Variants in LOC400499 observed in about 807,000 individuals in gnomAD.
chr16:11,405,961 C>A, the LOC400499 span, among the ~76,000 whole-genome samples: 1 of 152,276 alleles, frequency 6.6e-6, no homozygotes, highest in African/African-American at 2.4e-5. Flanking sequence ...AACATGCAAA[C>A]CCATCCCTGC....
chr16:11,478,440 T>A, the LOC400499 span: 1 of 398,176 alleles, frequency 2.5e-6, no homozygotes, highest in South Asian at 1.4e-4. Flanking sequence ...GGATTGGACC[T>A]TGGGCAGCCT....
At chr16:11,490,211 C>A in the LOC400499 span, among the ~76,000 whole-genome samples, 1 of 151,806 alleles carries the variant, frequency 6.6e-6, no homozygotes, top group Non-Finnish European at 1.5e-5. Flanking sequence ...GCCTGGCCCA[C>A]ATGGCAAAAC....
the LOC400499 span, among the ~76,000 whole-genome samples, chr16:11,429,856 G>A: frequency 1.3e-5 from 2 of 152,072 alleles, no homozygotes; most frequent in Non-Finnish European, 1.5e-5. Flanking sequence ...ACTCAGACAA[G>A]CATCATCAGT....
chr16:11,513,221 T>C, the LOC400499 span, among the ~76,000 whole-genome samples: 1 of 141,134 alleles, frequency 7.1e-6, no homozygotes, highest in Non-Finnish European at 1.6e-5. Flanking sequence ...CTGGGCAACA[T>C]AGTGAAACCC....
At chr16:11,481,537 G>A in the LOC400499 span, among the ~76,000 whole-genome samples, 5 of 152,292 alleles carry the variant, frequency 3.3e-5, no homozygotes, top group African/African-American at 1.2e-4. Flanking sequence ...TGGCCAGGCT[G>A]GTCTCGAACT....
chr16:11,449,151 A>G, the LOC400499 span: 24 of 1,352,528 alleles, frequency 1.8e-5, no homozygotes, highest in East Asian at 4.5e-4. Flanking sequence ...TGCACACCCT[A>G]TTTCCTCCAC....
the LOC400499 span, chr16:11,475,742 G>T: frequency 2.5e-6 from 1 of 398,790 alleles, no homozygotes. Context: ...GACAGTGTCA[G>T]ACGCATCATT....
chr16:11,482,861 C>A, the LOC400499 span, among the ~76,000 whole-genome samples: 1 of 149,892 alleles, frequency 6.7e-6, no homozygotes, highest in South Asian at 2.1e-4. Flanking sequence ...CACTGCACTC[C>A]AGCCTGCATG....
At chr16:11,443,324 C>T in the LOC400499 span, 1 of 322,166 alleles carries the variant, frequency 3.1e-6, no homozygotes, top group Non-Finnish European at 5.5e-6. Flanking sequence ...ACTCGATCCT[C>T]AGTCTCAAAA....
At chr16:11,408,228 C>T in the LOC400499 span, among the ~76,000 whole-genome samples, 1 of 152,024 alleles carries the variant, frequency 6.6e-6, no homozygotes, top group Non-Finnish European at 1.5e-5. Flanking sequence ...GGTGACCTGC[C>T]CACCTCGGCC....
At chr16:11,491,649 T>TACC in the LOC400499 span, 1 of 210,382 alleles carries the variant, frequency 4.8e-6, no homozygotes. Flanking sequence ...GGAGGTGCCC[T>TACC]CCCAGCCCCA....
the LOC400499 span, chr16:11,431,091 C>T: frequency 2.5e-6 from 1 of 399,080 alleles, no homozygotes; most frequent in Admixed American, 4.4e-5. Context: ...GGAGGCGGGG[C>T]ATCGCTGCCC....
At chr16:11,446,050 C>T in the LOC400499 span, among the ~76,000 whole-genome samples, 1 of 151,942 alleles carries the variant, frequency 6.6e-6, no homozygotes, top group East Asian at 1.9e-4. Context: ...GTCTGGAACT[C>T]CTGACCTCAG....
chr16:11,443,806 C>T, the LOC400499 span, among the ~76,000 whole-genome samples: 1 of 151,268 alleles, frequency 6.6e-6, no homozygotes, highest in Non-Finnish European at 1.5e-5. Flanking sequence ...GACCCTCAGC[C>T]AGGGGTGGTG....
At chr16:11,484,270 G>A in the LOC400499 span, among the ~76,000 whole-genome samples, 1 of 152,062 alleles carries the variant, frequency 6.6e-6, no homozygotes, top group African/African-American at 2.4e-5. Flanking sequence ...GCCTCCCAAA[G>A]TGCTGGGATT....
chr16:11,479,444 C>A, the LOC400499 span, among the ~76,000 whole-genome samples: 2 of 142,414 alleles, frequency 1.4e-5, no homozygotes, highest in African/African-American at 5.5e-5. Flanking sequence ...GAGACCCTAT[C>A]TCTACAAAAT....
At chr16:11,450,428 C>T in the LOC400499 span, among the ~76,000 whole-genome samples, 2 of 152,182 alleles carry the variant, frequency 1.3e-5, no homozygotes, top group South Asian at 4.1e-4. Context: ...TTTTTTAGGT[C>T]TAATTCTTCT....
chr16:11,515,745 A>AAAAGGGAGGAGGAGGAGGC, the LOC400499 span, among the ~76,000 whole-genome samples: 1 of 148,958 alleles, frequency 6.7e-6, no homozygotes. Context: ...GAGGAGGAGG[A>AAAAGGGAGGAGGAGGAGGC]AAAGGGAGGA....
the LOC400499 span, among the ~76,000 whole-genome samples, chr16:11,424,595 G>A: frequency 6.6e-6 from 1 of 152,234 alleles, no homozygotes; most frequent in Non-Finnish European, 1.5e-5. Flanking sequence ...ATTGCCACAT[G>A]CAGCCGGTGA....
Sources: gnomAD v4.1 joint callset for allele counts (sites outside exome capture counted in the v4.1 genomes callset) on GRCh38, gnomAD v4.1.1 for gene constraint, MANE v1.5 for transcripts.